JAKMIP2: variants seen among roughly 807,000 people sequenced by gnomAD.
The protein encoded by JAKMIP2 is janus kinase and microtubule-interacting protein 2.
In JAKMIP2, 25 loss-of-function variants were observed where a neutral mutation model predicts 115.0. That is an observed-to-expected ratio of 0.22 (90% CI 0.16 to 0.30). The LOEUF (loss-of-function observed/expected upper bound fraction) is 0.30. Ranked by LOEUF, JAKMIP2 falls within the 10% of genes least tolerant of loss-of-function variation. JAKMIP2 has a pLI of 1.00. For synonymous variants in JAKMIP2, 334 were observed against 343.6 expected (o/e 0.97, Z 0.31); for missense variants, 642 against 957.6 (o/e 0.67, Z 4.35).
intron 1 of JAKMIP2, among the ~76,000 whole-genome samples, chr5:147,742,008 A>G (rs1754156561): frequency 6.6e-6 from 1 of 151,836 alleles, no homozygotes; most frequent in African/African-American, 2.4e-5. Flanking sequence ...CTTTGCCACT[A>G]TAAAACCACT....
chr5:147,594,786 A>T (rs1265006516), intron 21 of JAKMIP2, among the ~76,000 whole-genome samples: 1 of 152,194 alleles, frequency 6.6e-6, no homozygotes, highest in African/African-American at 2.4e-5. Flanking sequence ...GCAATTTGTC[A>T]TAAAGTATTC....
intron 12 of JAKMIP2, among the ~76,000 whole-genome samples, chr5:147,633,096 C>G (rs943969878): frequency 1.3e-5 from 2 of 152,082 alleles, no homozygotes; most frequent in East Asian, 3.8e-4. Context: ...CTACTAGAAC[C>G]AAATTTAATG....
chr5:147,648,673 C>T (rs1018956669), intron 4 of JAKMIP2, among the ~76,000 whole-genome samples, 199 bp from the exon 5 acceptor site: 1 of 152,168 alleles, frequency 6.6e-6, no homozygotes, highest in Non-Finnish European at 1.5e-5. Flanking sequence ...TTGAAGACCA[C>T]GCCAGGTTGT....
rs76982776 is a variant in JAKMIP2, at chr5:147,693,079, C to T, written c.-148-21125G>A. ...AAACAGTAAAATTATACATTTTTTC[C>T]TATCTTTAAAGTTAGCTCTTTATAA... On this transcript the variant is annotated intron_variant, in intron 1 of 21. Coordinates refer to ENST00000616793, the MANE Select transcript of JAKMIP2 (RefSeq NM_001270941.2). 5.2e-3 allele frequency among the ~76,000 whole-genome samples: 798 copies of T among 152,128 alleles called. 18 individuals are homozygous for T. The highest frequency in any genetic ancestry group is 0.016 in the African/African-American group (682 of 41,512).
At chr5:147,704,091 A>T (rs927029670) in intron 1 of JAKMIP2, among the ~76,000 whole-genome samples, 1 of 152,138 alleles carries the variant, frequency 6.6e-6, no homozygotes, top group Non-Finnish European at 1.5e-5. Context: ...TCCTATATTA[A>T]CAATGCCTTT....
At chr5:147,758,437 A>C (rs1013396529) in intron 1 of JAKMIP2, among the ~76,000 whole-genome samples, 1 of 152,196 alleles carries the variant, frequency 6.6e-6, no homozygotes, top group Non-Finnish European at 1.5e-5. Flanking sequence ...TCTGTAGTTT[A>C]TACCATATAA....
chr5:147,603,494 G>A (rs756472302), intron 20 of JAKMIP2, among the ~76,000 whole-genome samples: 1 of 152,162 alleles, frequency 6.6e-6, no homozygotes, highest in Non-Finnish European at 1.5e-5. Context: ...GGGTGTTCAC[G>A]TACCACAAGG....
At chr5:147,597,360 TC>T (rs1375109086) in intron 21 of JAKMIP2, among the ~76,000 whole-genome samples, 2 of 152,232 alleles carry the variant, frequency 1.3e-5, no homozygotes, top group African/African-American at 4.8e-5. Flanking sequence ...TTAAAATTTT[TC>T]ATGTTATTAG....
At position 147,589,371 on chromosome 5, in the gene JAKMIP2, C is replaced by T. The variant is rs1439542744; in HGVS notation, c.*2336G>A. 1 of 151,058 alleles carries T rather than the reference C, an allele frequency of 6.6e-6. No individual in the cohort carries two copies. The highest frequency in any genetic ancestry group is 1.5e-5 in the Non-Finnish European group (1 of 68,020). The allele number at this position is 151,058 out of a possible 1,614,324, so 9.4% of individuals were successfully genotyped here. On this transcript the variant is annotated 3_prime_UTR_variant, in exon 22 of 22. Transcript: ENST00000616793. ...TTGAGGCAGGAGAATCACTTGAATCCAGGAGGTGGAGCTTGCCATGAGCCG... is the reference window on the plus strand; with the variant it reads ...TTGAGGCAGGAGAATCACTTGAATCTAGGAGGTGGAGCTTGCCATGAGCCG...
At chr5:147,620,400 G>A (rs948899574) in intron 18 of JAKMIP2, among the ~76,000 whole-genome samples, 3 of 152,224 alleles carry the variant, frequency 2.0e-5, no homozygotes, top group African/African-American at 7.2e-5. Context: ...ACATGCATGA[G>A]GCACCACGTC....
Position 147,634,127 on chromosome 5 carries a change from G to T in JAKMIP2, c.1678-1349C>A, listed in dbSNP as rs560918344. On this transcript the variant is annotated intron_variant, in intron 12 of 21. Coordinates refer to ENST00000616793, the MANE Select transcript of JAKMIP2 (RefSeq NM_001270941.2). ...CTTGAATTTAGAAATACAAACCAGG[G>T]CCTTTTTACCATAGCACGAATCTTA... is the stretch of plus-strand genomic sequence containing the variant. 1.6e-4 allele frequency among the ~76,000 whole-genome samples: 24 copies of T among 152,148 alleles called. No homozygotes were observed. The South Asian group carries it at 4.8e-3, about 30-fold the overall frequency.
intron 1 of JAKMIP2, among the ~76,000 whole-genome samples, chr5:147,731,893 T>C (rs1275323142): frequency 6.6e-6 from 1 of 152,222 alleles, no homozygotes; most frequent in East Asian, 1.9e-4. Context: ...TCTCCCAGTG[T>C]TGCAGCATTG....
At chr5:147,700,789 C>T (rs1489681358) in intron 1 of JAKMIP2, among the ~76,000 whole-genome samples, 1 of 152,202 alleles carries the variant, frequency 6.6e-6, no homozygotes, top group African/African-American at 2.4e-5. Flanking sequence ...TTTAGTCCCC[C>T]TAAACTTGCT....
intron 1 of JAKMIP2, among the ~76,000 whole-genome samples, chr5:147,682,360 G>C (rs530515685): frequency 1.9e-4 from 29 of 152,300 alleles, no homozygotes; most frequent in African/African-American, 6.0e-4. Flanking sequence ...AGTCACTGGA[G>C]GATTTCACAT....
intron 12 of JAKMIP2, among the ~76,000 whole-genome samples, chr5:147,633,032 T>A (rs1475027339): frequency 6.6e-6 from 1 of 152,190 alleles, no homozygotes; most frequent in East Asian, 1.9e-4. Context: ...AGGAATTCTG[T>A]GAATAGTGAA....
rs1254067624 is a variant in JAKMIP2, at chr5:147,633,006, C to T, written c.1678-228G>A. 2.6e-5 allele frequency among the ~76,000 whole-genome samples: 4 copies of T among 152,230 alleles called. No homozygotes were observed. The South Asian group carries it at 8.3e-4, about 32-fold the overall frequency. On this transcript the variant is annotated intron_variant, in intron 12 of 21. Coordinates refer to ENST00000616793, the MANE Select transcript of JAKMIP2 (RefSeq NM_001270941.2). Reference sequence around the variant, plus strand: ...AAAATGCCAGAAGACATCTCTGTTCCTTGGAATTAAAATCTAGGAATTCTG... The same window carrying T: ...AAAATGCCAGAAGACATCTCTGTTCTTTGGAATTAAAATCTAGGAATTCTG...
intron 5 of JAKMIP2, among the ~76,000 whole-genome samples, chr5:147,646,024 G>A (rs1244131068): frequency 1.3e-5 from 2 of 152,134 alleles, no homozygotes; most frequent in Non-Finnish European, 2.9e-5. Flanking sequence ...GATTCTGAAT[G>A]TGAGTATGTA....
chr5:147,603,263 T>A (rs185767533), intron 20 of JAKMIP2, among the ~76,000 whole-genome samples: 1 of 152,266 alleles, frequency 6.6e-6, no homozygotes, highest in Non-Finnish European at 1.5e-5. Flanking sequence ...GTTTTATTAT[T>A]TGTATAAAAG....
chr5:147,763,644 C>T (rs1561581604), intron 1 of JAKMIP2, among the ~76,000 whole-genome samples: 1 of 151,994 alleles, frequency 6.6e-6, no homozygotes, highest in Non-Finnish European at 1.5e-5. Context: ...GAATCTGAAA[C>T]TGAAATATAG....
Sources: gnomAD v4.1 joint callset for allele counts (sites outside exome capture counted in the v4.1 genomes callset) on GRCh38, gnomAD v4.1.1 for gene constraint, MANE v1.5 for transcripts, NCBI Gene and HGNC (gene_info 2026-07-23, HGNC 2026-07-21) for gene names.